The following SNX7 variants were observed in gnomAD, a reference collection of about 807,000 sequenced individuals.
SNX7 encodes sorting nexin-7.
SNX7 carries 35 observed loss-of-function variants against 48.4 expected under a neutral mutation model. The ratio of observed to expected loss-of-function variants is 0.72; its 90% CI spans 0.55 to 0.96. The LOEUF is 0.96. Among genes scored for constraint, SNX7 ranks in the 40% least tolerant of loss-of-function variants. The pLI, the probability that SNX7 is intolerant of heterozygous loss-of-function variation, is 0.00. For missense variants in SNX7, 553 were observed against 548.9 expected, an observed-to-expected ratio of 1.01 and a Z score of -0.07; for synonymous variants, 190 against 190.2, an observed-to-expected ratio of 1.00 and a Z score of 0.01.
chr1:98,667,555 T>G (rs918374320), intron 1 of SNX7, among the ~76,000 whole-genome samples: 1 of 151,514 alleles, frequency 6.6e-6, no homozygotes, highest in Non-Finnish European at 1.5e-5. Context: ...TTTTTTTTTG[T>G]ATTTTTAGTA....
intron 7 of SNX7, among the ~76,000 whole-genome samples, chr1:98,710,888 A>AT (rs35480203): frequency 4.1e-4 from 63 of 152,224 alleles, no homozygotes; most frequent in African/African-American, 1.2e-3. Context: ...CGCTTAAAGA[A>AT]TTTTTTTTGA....
At chr1:98,686,328 T>A (rs1650796334) in intron 2 of SNX7, among the ~76,000 whole-genome samples, 1 of 152,166 alleles carries the variant, frequency 6.6e-6, no homozygotes, top group Non-Finnish European at 1.5e-5. Flanking sequence ...GCTGTTTTTT[T>A]AAATCAATGA....
chr1:98,723,680 C>T (rs919049466), intron 7 of SNX7, among the ~76,000 whole-genome samples: 3 of 151,930 alleles, frequency 2.0e-5, no homozygotes, highest in Admixed American at 6.6e-5. Context: ...ATGGCAAAAC[C>T]CCATCCCTAC....
Position 98,661,782 on chromosome 1 carries a change from C to A in SNX7, c.51C>A (p.Ala17=), listed in dbSNP as rs1331211403. The A allele has an allele frequency of 2.4e-6, 3 of 1,243,054 alleles. No individual in the cohort carries two copies. 77.0% of individuals were successfully genotyped at this position (1,243,054 alleles called of 1,614,324 possible). A position where few individuals can be genotyped will look rare whatever the true frequency, so the allele number is the denominator to read the frequency against. The part of the protein sequence containing the change: ...ASQAPSSGLP[A]GGANGESPGG... ...AGGCGCCCTCCTCGGGCCTCCCGGC[C>A]GGGGGCGCCAACGGGGAGAGCCCGG... Residue 17 remains alanine, a synonymous_variant, in exon 1 of 9, where the codon GCC becomes GCA. Transcript: ENST00000306121.
intron 4 of SNX7, 23 bp downstream of exon 4, chr1:98,691,722 C>T (rs201835004): frequency 1.9e-6 from 3 of 1,557,552 alleles, no homozygotes; most frequent in Admixed American, 1.9e-5. Context: ...TATTTATACT[C>T]ATATAATCTT....
At chr1:98,735,339 A>C (rs1397059109) in intron 7 of SNX7, among the ~76,000 whole-genome samples, 1 of 152,172 alleles carries the variant, frequency 6.6e-6, no homozygotes, top group South Asian at 2.1e-4. Context: ...TTATGGAAAG[A>C]TGATTCACTG....
intron 8 of SNX7, among the ~76,000 whole-genome samples, chr1:98,752,620 A>G (rs1238849537): frequency 6.6e-6 from 1 of 152,168 alleles, no homozygotes; most frequent in South Asian, 2.1e-4. Flanking sequence ...GTGTTCAAAT[A>G]GAAAAGTGCA....
intron 7 of SNX7, among the ~76,000 whole-genome samples, chr1:98,714,883 T>C (rs1652506777): frequency 6.6e-6 from 1 of 152,200 alleles, no homozygotes; most frequent in South Asian, 2.1e-4. Flanking sequence ...GGAAGAGTTG[T>C]GATTTGATGT....
Position 98,691,554 on chromosome 1 carries a change from T to C in SNX7, c.494T>C (p.Ile165Thr), listed in dbSNP as rs777074201. ...CCTTAGCCATTGCCAGAAAAGTTTA[T>C]AGTAAAAGGAATGGTGGAACGCTTT... Reference protein sequence around the residue: ...LIIPPLPEKFIVKGMVERFND... With the variant: ...LIIPPLPEKFTVKGMVERFND... The change falls in exon 4 of 9, where the codon ATA (isoleucine) becomes ACA (threonine). Residue 165 changes from isoleucine to threonine, a missense_variant. Coordinates refer to ENST00000306121, the MANE Select transcript of SNX7 (RefSeq NM_015976.5). The C allele has an allele frequency of 3.8e-6, 6 of 1,587,932 alleles. No individual in the cohort carries two copies. Among genetic ancestry groups the C allele is most frequent in the Non-Finnish European group, 3.4e-6 (4 of 1,170,694 alleles).
At chr1:98,688,429 G>C (rs779824847) in intron 2 of SNX7, among the ~76,000 whole-genome samples, 2 of 152,140 alleles carry the variant, frequency 1.3e-5, no homozygotes, top group Non-Finnish European at 2.9e-5. Context: ...GTACATATAA[G>C]AGTAAGAATG....
At chr1:98,757,925 T>G (rs1412621398) in intron 8 of SNX7, among the ~76,000 whole-genome samples, 1 of 152,062 alleles carries the variant, frequency 6.6e-6, no homozygotes, top group Non-Finnish European at 1.5e-5. Context: ...CATTCAGTGA[T>G]TACTTCCACT....
chr1:98,697,342 A>G lies in SNX7; in HGVS notation c.839-1364A>G, dbSNP rs2100967985. ...TAATACAGACTTTTAAAGTTTTAGT[A>G]GTTTAGAGAAATATGACAGATATCA... On this transcript the variant is annotated intron_variant, in intron 5 of 8. Transcript: ENST00000306121. 2.0e-5 allele frequency among the ~76,000 whole-genome samples: 3 copies of G among 152,208 alleles called. No individual in the cohort carries two copies. The South Asian group carries it at 6.2e-4, about 32-fold the overall frequency.
chr1:98,720,115 G>A (rs1191544459), intron 7 of SNX7, among the ~76,000 whole-genome samples: 1 of 151,824 alleles, frequency 6.6e-6, no homozygotes, highest in Non-Finnish European at 1.5e-5. Flanking sequence ...AGACCATACT[G>A]TGTCAATAAT....
chr1:98,686,869 A>G (rs2100944133), intron 2 of SNX7, among the ~76,000 whole-genome samples: 1 of 152,278 alleles, frequency 6.6e-6, no homozygotes, highest in South Asian at 2.1e-4. Flanking sequence ...ATTCTAGCAA[A>G]TAATTTGTGA....
chr1:98,715,051 A>G (rs555308038), intron 7 of SNX7, among the ~76,000 whole-genome samples: 72 of 152,292 alleles, frequency 4.7e-4, no homozygotes, highest in African/African-American at 1.7e-3. Context: ...ATTTTCCTAT[A>G]TAACTATAGT....
chr1:98,711,682 C>T (rs916165140), intron 7 of SNX7, among the ~76,000 whole-genome samples: 7 of 152,146 alleles, frequency 4.6e-5, no homozygotes, highest in African/African-American at 1.4e-4. Flanking sequence ...ATGTTGATGG[C>T]TGCTGACTGA....
intron 7 of SNX7, among the ~76,000 whole-genome samples, chr1:98,715,677 A>G (rs1384143850): frequency 6.6e-6 from 1 of 152,178 alleles, no homozygotes; most frequent in Admixed American, 6.6e-5. Flanking sequence ...TGATATGTTC[A>G]CATCATTTTG....
rs529369411 is a variant in SNX7 at position 98,701,709 on chromosome 1, T to C, written c.1039-108T>C. 25 of 655,362 alleles carry C rather than the reference T, an allele frequency of 3.8e-5. No individual in the cohort carries two copies. In the East Asian group the frequency reaches 5.8e-4, roughly 15 times the overall value. 40.6% of individuals were successfully genotyped at this position (655,362 alleles called of 1,614,324 possible). A position where few individuals can be genotyped will look rare whatever the true frequency, so the allele number is the denominator to read the frequency against. ...ATGTATTATATCCCCAAATGACTGA[T>C]GGCTTGGGGAAGAGATGCTATTTAT... is the stretch of plus-strand genomic sequence containing the variant. On this transcript the variant is annotated intron_variant, in intron 6 of 8. Transcript: ENST00000306121.
At chr1:98,687,985 A>T (rs1256864135) in intron 2 of SNX7, among the ~76,000 whole-genome samples, 1 of 152,128 alleles carries the variant, frequency 6.6e-6, no homozygotes, top group Non-Finnish European at 1.5e-5. Flanking sequence ...CCCTTGACAC[A>T]TGGGGATTAT....
Sources: gnomAD v4.1 joint callset for allele counts (sites outside exome capture counted in the v4.1 genomes callset) on GRCh38, gnomAD v4.1.1 for gene constraint, MANE v1.5 for transcripts, NCBI Gene and HGNC (gene_info 2026-07-23, HGNC 2026-07-21) for gene names.